The following ASIC2 variants were observed in gnomAD, a reference collection of about 807,000 sequenced individuals.
ASIC2 encodes the protein acid sensing ion channel subunit 2, also known as acid-sensing ion channel 2.
In ASIC2, 25 loss-of-function variants were observed where a neutral mutation model predicts 57.3. The observed-to-expected ratio is 0.44, with a 90% CI of 0.32 to 0.61. The LOEUF (loss-of-function observed/expected upper bound fraction) is 0.61, where lower values mean the gene tolerates loss of function less well. Among genes scored for constraint, ASIC2 ranks in the 20% least tolerant of loss-of-function variants. The probability of loss-of-function intolerance (pLI) is 0.06; values close to 1 mark genes in which losing one functional copy is unlikely to be tolerated. For synonymous variants in ASIC2, 319 were observed against 307.5 expected, an observed-to-expected ratio of 1.04 and a Z score of -0.39; for missense variants, 641 against 738.1, an observed-to-expected ratio of 0.87 and a Z score of 1.52.
chr17:33,291,787 T>C lies in ASIC2; in HGVS notation c.329A>G (p.Tyr110Cys). The change falls in exon 1 of 10, where the codon TAC becomes TGC. Residue 110 changes from tyrosine (Y) to cysteine (C), a missense_variant. By Grantham distance (194) the Tyr-to-Cys change is radical (BLOSUM62 -2). This residue lies in a region of ASIC2 where 382 missense variants were observed against 398.0 expected (regional missense o/e 0.96). Coordinates refer to ENST00000225823, the MANE Select transcript of ASIC2 (RefSeq NM_183377.2). The part of the protein sequence containing the change: ...LLSWSSNRLL[Y>C]WLSFPSHTRV... ...CGTGTGTGACGGGAAGCTGAGCCAG[T>C]AGAGCAAGCGGTTCGAGGACCAGGA... 6.2e-7 allele frequency: 1 copy of C among 1,613,562 alleles called. No individual in the cohort carries two copies. The highest frequency in any genetic ancestry group is 8.5e-7 in the Non-Finnish European group (1 of 1,179,812).
intron 1 of ASIC2, among the ~76,000 whole-genome samples, chr17:33,862,842 G>A (rs1480021666): frequency 6.6e-6 from 1 of 152,158 alleles, no homozygotes; most frequent in Admixed American, 6.5e-5. Context: ...AAATAGAGAG[G>A]GCAGATGGTC....
At chr17:33,662,656 TAAATA>T in intron 1 of ASIC2, among the ~76,000 whole-genome samples, 1 of 145,204 alleles carries the variant, frequency 6.9e-6, no homozygotes, top group Non-Finnish European at 1.5e-5. Context: ...AATAAATAAA[TAAATA>T]AATAAATAAG....
At chr17:33,392,889 T>C (rs1023672398) in intron 1 of ASIC2, among the ~76,000 whole-genome samples, 12 of 152,208 alleles carry the variant, frequency 7.9e-5, no homozygotes, top group Non-Finnish European at 1.6e-4. Flanking sequence ...AGCAGACACA[T>C]GGTAACCTAG....
intron 3 of ASIC2, among the ~76,000 whole-genome samples, chr17:33,073,597 G>C (rs9893346): frequency 0.18 from 27,467 of 152,198 alleles, 2,570 homozygotes; most frequent in Non-Finnish European, 0.21. Context: ...TGGGGATCCC[G>C]AGAGACTAAG....
At chr17:33,033,415 G>A (rs1434786627) in intron 3 of ASIC2, among the ~76,000 whole-genome samples, 1 of 152,234 alleles carries the variant, frequency 6.6e-6, no homozygotes, top group African/African-American at 2.4e-5. Flanking sequence ...CAGCAAGCAG[G>A]CAGGAGCAGG....
chr17:33,331,152 G>A (rs1335518414), intron 1 of ASIC2, among the ~76,000 whole-genome samples: 1 of 152,150 alleles, frequency 6.6e-6, no homozygotes, highest in African/African-American at 2.4e-5. Context: ...TCTAGGTTAA[G>A]CACTCTTTAT....
intron 1 of ASIC2, among the ~76,000 whole-genome samples, chr17:33,571,410 T>A (rs942289551): frequency 6.6e-6 from 1 of 152,212 alleles, no homozygotes; most frequent in African/African-American, 2.4e-5. Flanking sequence ...GTTCACTGAT[T>A]AATCACAGTA....
intron 1 of ASIC2, among the ~76,000 whole-genome samples, chr17:33,425,598 A>C (rs1284115654): frequency 6.6e-6 from 1 of 152,174 alleles, no homozygotes; most frequent in African/African-American, 2.4e-5. Context: ...AGGGAGGCAG[A>C]GTTTGAGCCT....
At chr17:33,958,640 G>A (rs1221206674) in intron 1 of ASIC2, among the ~76,000 whole-genome samples, 1 of 152,098 alleles carries the variant, frequency 6.6e-6, no homozygotes, top group African/African-American at 2.4e-5. Flanking sequence ...TGAAGGGGGG[G>A]TCTTGGACCC....
chr17:34,060,820 T>C (rs891573237), intron 1 of ASIC2, among the ~76,000 whole-genome samples: 3 of 151,960 alleles, frequency 2.0e-5, no homozygotes, highest in African/African-American at 7.2e-5. Context: ...TAAGAAAATA[T>C]GAACAAAGCT....
intron 1 of ASIC2, among the ~76,000 whole-genome samples, chr17:34,021,679 T>A (rs914214676): frequency 2.0e-5 from 3 of 152,134 alleles, no homozygotes; most frequent in African/African-American, 4.8e-5. Context: ...AGATCAGCGT[T>A]GAGTTTGCCA....
At chr17:33,856,641 A>C (rs1248931591) in intron 1 of ASIC2, among the ~76,000 whole-genome samples, 1 of 142,454 alleles carries the variant, frequency 7.0e-6, no homozygotes, top group Non-Finnish European at 1.6e-5. Context: ...ACCGAGGGTT[A>C]GGATAAGCTA....
At chr17:33,504,366 T>A (rs1914187303) in intron 1 of ASIC2, among the ~76,000 whole-genome samples, 1 of 152,160 alleles carries the variant, frequency 6.6e-6, no homozygotes, top group African/African-American at 2.4e-5. Context: ...TGAGATGGAG[T>A]CTCACTCTGT....
At chr17:34,095,633 T>A (rs1356675643) in intron 1 of ASIC2, among the ~76,000 whole-genome samples, 96 of 98,162 alleles carry the variant, frequency 9.8e-4, no homozygotes, top group Non-Finnish European at 1.6e-3. Context: ...ATATATAATT[T>A]TATATATATA....
chr17:34,034,244 G>T (rs1907759817), intron 1 of ASIC2, among the ~76,000 whole-genome samples: 1 of 152,094 alleles, frequency 6.6e-6, no homozygotes, highest in South Asian at 2.1e-4. Context: ...CATATAAACA[G>T]AACCAAAGAC....
intron 3 of ASIC2, among the ~76,000 whole-genome samples, chr17:33,043,376 C>A (rs1003845472): frequency 1.3e-5 from 2 of 152,228 alleles, no homozygotes; most frequent in African/African-American, 4.8e-5. Flanking sequence ...TTAACCAGCT[C>A]TCGTCTCTAG....
At chr17:33,906,051 A>G (rs1208036424) in intron 1 of ASIC2, among the ~76,000 whole-genome samples, 4 of 142,942 alleles carry the variant, frequency 2.8e-5, no homozygotes, top group African/African-American at 5.2e-5. Context: ...TTCTCATTAC[A>G]TTGTCCAGGC....
At chr17:33,841,926 G>A (rs976819392) in intron 1 of ASIC2, among the ~76,000 whole-genome samples, 3 of 152,086 alleles carry the variant, frequency 2.0e-5, no homozygotes, top group Admixed American at 1.3e-4. Flanking sequence ...CAGAAGAGCC[G>A]CCTTATATAC....
rs1904398797 is a variant in ASIC2, at chr17:33,947,081, A to G, written c.555+208897T>C. ...GATGGAACATGAAATAAGAGAGGACATGAAATCTGATGTGTAGATTGTAAA... is the reference window on the plus strand; with the variant it reads ...GATGGAACATGAAATAAGAGAGGACGTGAAATCTGATGTGTAGATTGTAAA... On this transcript the variant is annotated intron_variant, in intron 1 of 9. Transcript: ENST00000359872. Among the ~76,000 whole-genome samples, 4 of 152,254 alleles carry G rather than the reference A, an allele frequency of 2.6e-5. No homozygotes were observed. In the South Asian group the frequency reaches 8.3e-4, roughly 31 times the overall value.
Sources: gnomAD v4.1 joint callset for allele counts (sites outside exome capture counted in the v4.1 genomes callset) on GRCh38, gnomAD v4.1.1 for gene constraint, gnomAD v4.1.1 regional missense constraint, MANE v1.5 for transcripts, NCBI Gene and HGNC (gene_info 2026-07-23, HGNC 2026-07-21) for gene names.